The following CCDC91 variants were observed in gnomAD, a reference collection of about 807,000 sequenced individuals.
CCDC91 encodes the protein coiled-coil domain containing 91.
Under a neutral mutation model 63.2 loss-of-function variants are expected in CCDC91, and 48 were observed. The observed-to-expected ratio is 0.76, with a 90% CI of 0.60 to 0.97. The LOEUF (loss-of-function observed/expected upper bound fraction) is 0.97, where lower values mean the gene tolerates loss of function less well. CCDC91 is among the 50% of genes least tolerant of loss of function. The probability of loss-of-function intolerance (pLI) is 0.00; values close to 1 mark genes in which losing one functional copy is unlikely to be tolerated. For missense variants in CCDC91, 500 were observed against 494.6 expected (o/e 1.01, Z -0.10); for synonymous variants, 167 against 165.8 (o/e 1.01, Z -0.06).
At position 28,306,838 on chromosome 12, in the gene CCDC91, T is replaced by C; in HGVS notation, c.364T>C (p.Ser122Pro). Residue 122 changes from serine to proline, a missense_variant, in exon 5 of 13, where the codon TCT (serine) becomes CCT (proline). Transcript: ENST00000536442. ...TGGAACAATTGCCCTTGTGGATGAT[T>C]CTGAGGATCCTGGAGCCAATGTATC... ...SNGTIALVDD[S>P]EDPGANVSNI... 6.2e-7 allele frequency: 1 copy of C among 1,612,316 alleles called. No individual in the cohort carries two copies. The highest frequency in any genetic ancestry group is 8.5e-7 in the Non-Finnish European group (1 of 1,178,754).
intron 6 of CCDC91, among the ~76,000 whole-genome samples, chr12:28,359,789 C>CTTTTTTTTTTTTTTTTTTTT (rs1565853581): frequency 6.6e-6 from 1 of 150,400 alleles, no homozygotes. Context: ...TTTCTATTTA[C>CTTTTTTTTTTTTTTTTTTTT]TTTTAAAATC....
At chr12:28,422,219 A>G (rs983424615) in intron 8 of CCDC91, among the ~76,000 whole-genome samples, 2 of 152,152 alleles carry the variant, frequency 1.3e-5, no homozygotes, top group South Asian at 2.1e-4. Flanking sequence ...TCACATCAAA[A>G]TAGAGTTTGG....
chr12:28,489,629 C>T (rs752903320), intron 12 of CCDC91, among the ~76,000 whole-genome samples: 13 of 151,792 alleles, frequency 8.6e-5, no homozygotes, highest in Admixed American at 4.6e-4. Flanking sequence ...TCTAAATCAC[C>T]TCCAGGAAAA....
At chr12:28,382,340 A>G (rs1342711612) in intron 7 of CCDC91, among the ~76,000 whole-genome samples, 5 of 151,972 alleles carry the variant, frequency 3.3e-5, no homozygotes. Flanking sequence ...TAAACCTAGT[A>G]ATTAAAACAA....
At chr12:28,279,886 T>C (rs906575216) in intron 3 of CCDC91, among the ~76,000 whole-genome samples, 5 of 150,702 alleles carry the variant, frequency 3.3e-5, no homozygotes, top group African/African-American at 9.7e-5. Flanking sequence ...TGTGTATATA[T>C]ACGATGCAGT....
intron 7 of CCDC91, among the ~76,000 whole-genome samples, chr12:28,366,922 G>C (rs1179272838): frequency 6.6e-6 from 1 of 152,082 alleles, no homozygotes; most frequent in Non-Finnish European, 1.5e-5. Context: ...CCTGTATGCT[G>C]AGTGCTAGTA....
chr12:28,479,762 A>G (rs555506392), intron 11 of CCDC91, among the ~76,000 whole-genome samples: 1 of 152,156 alleles, frequency 6.6e-6, no homozygotes, highest in African/African-American at 2.4e-5. Flanking sequence ...TTGCCCATAT[A>G]GGAAGGAAAT....
At chr12:28,287,933 T>G (rs1027488503) in intron 3 of CCDC91, among the ~76,000 whole-genome samples, 3 of 152,182 alleles carry the variant, frequency 2.0e-5, no homozygotes, top group Admixed American at 2.0e-4. Context: ...TGGTTAGCTG[T>G]GTTCCTAGTT....
chr12:28,327,145 T>G (rs1941087340), intron 6 of CCDC91, among the ~76,000 whole-genome samples: 1 of 144,698 alleles, frequency 6.9e-6, no homozygotes. Flanking sequence ...AAAAAGAAAT[T>G]ATTTAGGCAG....
chr12:28,549,267 C>A lies in CCDC91; in HGVS notation c.*94C>A. The A allele has an allele frequency of 1.4e-6, 1 of 702,712 alleles. No homozygotes were observed. 43.5% of individuals were successfully genotyped at this position (702,712 alleles called of 1,614,324 possible). On this transcript the variant is annotated 3_prime_UTR_variant, in exon 13 of 13. Coordinates refer to ENST00000536442, the MANE Select transcript of CCDC91 (RefSeq NM_018318.5). ...TTATAAAGATGTGTTTGTTTTCTTT[C>A]CAAATCATGTAGAATTGATTTCCAG...
chr12:28,537,690 T>C (rs1275830200), intron 12 of CCDC91, among the ~76,000 whole-genome samples: 1 of 152,230 alleles, frequency 6.6e-6, no homozygotes, highest in Non-Finnish European at 1.5e-5. Flanking sequence ...TTTTCTATTC[T>C]TAGCATTGAC....
chr12:28,540,338 A>T (rs568619306), intron 12 of CCDC91, among the ~76,000 whole-genome samples: 2 of 152,274 alleles, frequency 1.3e-5, no homozygotes, highest in Admixed American at 1.3e-4. Context: ...GCTATAAAGA[A>T]ATCTGTCTGA....
At chr12:28,199,818 T>C (rs1382366654) in intron 1 of CCDC91, among the ~76,000 whole-genome samples, 1 of 152,240 alleles carries the variant, frequency 6.6e-6, no homozygotes, top group African/African-American at 2.4e-5. Context: ...GGAAATCTTT[T>C]TGACGATTCC....
At chr12:28,363,902 A>G (rs1469792757) in intron 7 of CCDC91, among the ~76,000 whole-genome samples, 2 of 150,980 alleles carry the variant, frequency 1.3e-5, no homozygotes, top group East Asian at 1.9e-4. Context: ...AAAAAAAGAA[A>G]AAAGAAAAAT....
At chr12:28,529,191 G>A (rs2141589081) in intron 12 of CCDC91, among the ~76,000 whole-genome samples, 1 of 152,264 alleles carries the variant, frequency 6.6e-6, no homozygotes, top group Middle Eastern at 3.4e-3. Flanking sequence ...AATTTTAACA[G>A]ACTGTTATTT....
At chr12:28,223,870 A>T (rs1035414014) in intron 1 of CCDC91, among the ~76,000 whole-genome samples, 2 of 152,186 alleles carry the variant, frequency 1.3e-5, no homozygotes, top group African/African-American at 4.8e-5. Flanking sequence ...AAACTGTAAG[A>T]TTCTCCTTGG....
At chr12:28,459,720 G>A (rs1443442609) in intron 11 of CCDC91, among the ~76,000 whole-genome samples, 1 of 152,150 alleles carries the variant, frequency 6.6e-6, no homozygotes, top group Non-Finnish European at 1.5e-5. Context: ...GCTCTACAGT[G>A]ATGAATGGCT....
intron 12 of CCDC91, among the ~76,000 whole-genome samples, chr12:28,536,283 C>T (rs564237088): frequency 4.5e-4 from 69 of 152,114 alleles, no homozygotes; most frequent in Non-Finnish European, 6.2e-4. Flanking sequence ...CATTAACTTA[C>T]GAAATTTCTA....
intron 1 of CCDC91, among the ~76,000 whole-genome samples, chr12:28,225,307 TTGTA>T (rs1321853432): frequency 6.6e-6 from 1 of 152,176 alleles, no homozygotes; most frequent in Non-Finnish European, 1.5e-5. Flanking sequence ...AGGAAGGAAA[TTGTA>T]TGGCCCTTAT....
Sources: gnomAD v4.1 joint callset for allele counts (sites outside exome capture counted in the v4.1 genomes callset) on GRCh38, gnomAD v4.1.1 for gene constraint, MANE v1.5 for transcripts, NCBI Gene and HGNC (gene_info 2026-07-23, HGNC 2026-07-21) for gene names.